Variants in HS2ST1 observed in about 807,000 individuals in gnomAD.
HS2ST1 encodes heparan sulfate 2-O-sulfotransferase 1.
A neutral mutation model predicts 42.9 loss-of-function variants in HS2ST1; 18 were observed. The observed-to-expected ratio is 0.42, with a 90% CI of 0.29 to 0.62. The LOEUF is 0.62. HS2ST1 is among the 20% of genes least tolerant of loss of function. The probability of loss-of-function intolerance (pLI) is 0.21; values close to 1 mark genes in which losing one functional copy is unlikely to be tolerated. For synonymous variants in HS2ST1, 146 were observed against 152.9 expected (o/e 0.95, Z 0.33); for missense variants, 334 against 433.8 (o/e 0.77, Z 2.04).
chr1:86,982,514 C>T (rs1294817521), intron 1 of HS2ST1, among the ~76,000 whole-genome samples: 1 of 151,960 alleles, frequency 6.6e-6, no homozygotes, highest in Non-Finnish European at 1.5e-5. Context: ...AGCCATGTCA[C>T]CCCATTTTTG....
chr1:87,072,629 G>C (rs1179747746), intron 1 of HS2ST1, among the ~76,000 whole-genome samples: 1 of 151,958 alleles, frequency 6.6e-6, no homozygotes, highest in Non-Finnish European at 1.5e-5. Flanking sequence ...TTTTGTTCTT[G>C]ATATACATAT....
At chr1:86,962,252 A>G (rs1647869314) in intron 1 of HS2ST1, among the ~76,000 whole-genome samples, 1 of 152,234 alleles carries the variant, frequency 6.6e-6, no homozygotes, top group African/African-American at 2.4e-5. Context: ...TTGTGGAATT[A>G]CAAAAACAGT....
At chr1:86,928,299 T>C (rs1660464354) in intron 1 of HS2ST1, among the ~76,000 whole-genome samples, 2 of 152,058 alleles carry the variant, frequency 1.3e-5, no homozygotes, top group African/African-American at 4.8e-5. Context: ...TTGAGTGAAA[T>C]TGAATTACTG....
At chr1:86,936,104 C>T (rs1660648813) in intron 1 of HS2ST1, among the ~76,000 whole-genome samples, 1 of 138,502 alleles carries the variant, frequency 7.2e-6, no homozygotes, top group Non-Finnish European at 1.6e-5. Context: ...TGTCTCTTTG[C>T]CTCCTTCCCT....
intron 1 of HS2ST1, among the ~76,000 whole-genome samples, chr1:87,053,650 C>CA (rs1197568669): frequency 1.3e-5 from 2 of 152,096 alleles, no homozygotes; most frequent in Non-Finnish European, 2.9e-5. Context: ...ATGAGTCCTT[C>CA]AAAAAACATT....
intron 1 of HS2ST1, among the ~76,000 whole-genome samples, chr1:86,976,704 G>GTGTATATATATATA (rs1553134337): frequency 1.8e-4 from 14 of 79,706 alleles, no homozygotes; most frequent in South Asian, 6.0e-4. Flanking sequence ...TTATAAAATT[G>GTGTATATATATATA]TATATATATA....
In HS2ST1 at chr1:87,084,236, C is replaced by G. The variant is rs376591528; in HGVS notation, c.406C>G (p.Pro136Ala). 10 of 1,604,282 alleles carry G rather than the reference C, an allele frequency of 6.2e-6. No individual in the cohort carries two copies. The highest frequency in any genetic ancestry group is 8.5e-6 in the Non-Finnish European group (10 of 1,175,358). The change falls in exon 3 of 7, where the codon CCA becomes GCA. Residue 136 changes from proline to alanine, a missense_variant. Physicochemically the swap from Pro to Ala is conservative, Grantham distance 27. Coordinates refer to ENST00000370550, the MANE Select transcript of HS2ST1 (RefSeq NM_012262.4). ...KNITSWKEMKPGFYHGHVSYL... is the reference protein window; with the variant it reads ...KNITSWKEMKAGFYHGHVSYL... ...TATAACTTCCTGGAAAGAGATGAAACCAGGATTTTATCATGGACACGTTTC... is the reference window on the plus strand; with the variant it reads ...TATAACTTCCTGGAAAGAGATGAAAGCAGGATTTTATCATGGACACGTTTC...
chr1:86,944,895 C>G (rs776489696), intron 1 of HS2ST1, among the ~76,000 whole-genome samples: 1 of 151,458 alleles, frequency 6.6e-6, no homozygotes, highest in African/African-American at 2.4e-5. Flanking sequence ...CTAGATACTC[C>G]GCTGTTTTTA....
chr1:86,956,995 G>C (rs1434246599), intron 1 of HS2ST1, among the ~76,000 whole-genome samples: 1 of 152,130 alleles, frequency 6.6e-6, no homozygotes, highest in Non-Finnish European at 1.5e-5. Flanking sequence ...TGAAATTCCA[G>C]ATGGTAATGC....
At chr1:86,983,534 G>A (rs1045568880) in intron 1 of HS2ST1, among the ~76,000 whole-genome samples, 14 of 152,078 alleles carry the variant, frequency 9.2e-5, no homozygotes, top group African/African-American at 3.4e-4. Context: ...CTCGACACAT[G>A]GGATTACAAT....
At chr1:87,043,794 C>A (rs1283863264) in intron 1 of HS2ST1, among the ~76,000 whole-genome samples, 1 of 151,798 alleles carries the variant, frequency 6.6e-6, no homozygotes, top group Non-Finnish European at 1.5e-5. Context: ...TAAATATATA[C>A]AGGAAGCTAT....
intron 1 of HS2ST1, among the ~76,000 whole-genome samples, chr1:87,013,462 G>A (rs955169069): frequency 6.6e-6 from 1 of 152,202 alleles, no homozygotes; most frequent in Admixed American, 6.5e-5. Flanking sequence ...ACATAAAACA[G>A]CAAGGCTCTG....
intron 1 of HS2ST1, among the ~76,000 whole-genome samples, chr1:86,915,515 T>G (rs3753286): frequency 6.6e-6 from 1 of 152,108 alleles, no homozygotes; most frequent in Non-Finnish European, 1.5e-5. Flanking sequence ...TAGCATCGCG[T>G]GTTCTCTTGG....
intron 1 of HS2ST1, among the ~76,000 whole-genome samples, chr1:87,012,806 AC>A (rs1649639455): frequency 6.6e-6 from 1 of 152,210 alleles, no homozygotes; most frequent in Non-Finnish European, 1.5e-5. Context: ...TTGGGCAAAT[AC>A]AGCCATTCCA....
intron 5 of HS2ST1, chr1:87,098,498 T>C (rs1285257409): frequency 2.4e-6 from 1 of 421,412 alleles, no homozygotes; most frequent in East Asian, 1.6e-4. Context: ...TTTGTTCTAT[T>C]CAATCATTTT....
chr1:87,081,802 A>G (rs765811279), intron 2 of HS2ST1, among the ~76,000 whole-genome samples: 9 of 152,040 alleles, frequency 5.9e-5, no homozygotes, highest in African/African-American at 1.2e-4. Context: ...CCTGGCCAAC[A>G]TGGTGAAACC....
chr1:86,941,640 G>A lies in HS2ST1; in HGVS notation c.124+26480G>A, dbSNP rs144748343. 9.0e-3 allele frequency among the ~76,000 whole-genome samples: 1,365 copies of A among 152,036 alleles called. 22 individuals carry two copies. The highest frequency in any genetic ancestry group is 0.032 in the African/African-American group (1,319 of 41,496). On this transcript the variant is annotated intron_variant, in intron 1 of 6. Transcript: ENST00000370550. ...TACAAAAAAATTAGCCGGGCATTGT[G>A]GCGGGTGTCTGTAATCCCAGCTACT...
At chr1:87,001,917 AT>A (rs796387272) in intron 1 of HS2ST1, among the ~76,000 whole-genome samples, 3,657 of 131,674 alleles carry the variant, frequency 0.028, 115 homozygotes, top group African/African-American at 0.088. Context: ...TGCCAGGAGT[AT>A]TTTTTTTTTT....
At chr1:86,916,825 T>G (rs571418754) in intron 1 of HS2ST1, among the ~76,000 whole-genome samples, 1 of 152,314 alleles carries the variant, frequency 6.6e-6, no homozygotes, top group African/African-American at 2.4e-5. Flanking sequence ...ATTTTTTGTT[T>G]TGTTACTATT....
Sources: allele counts gnomAD v4.1 joint callset (sites outside exome capture counted in the v4.1 genomes callset), GRCh38; gene constraint gnomAD v4.1.1; transcripts MANE v1.5; gene names NCBI Gene and HGNC (gene_info 2026-07-23, HGNC 2026-07-21).